The following CA8 variants were observed in gnomAD, a reference collection of about 807,000 sequenced individuals.
CA8 encodes the protein carbonic anhydrase 8 (inactive), also known as carbonic anhydrase-related protein.
A neutral mutation model predicts 41.4 loss-of-function variants in CA8; 22 were observed. That is an observed-to-expected ratio of 0.53 (90% CI 0.38 to 0.76). The LOEUF (loss-of-function observed/expected upper bound fraction) is 0.76, where lower values mean the gene tolerates loss of function less well. Ranked by LOEUF, CA8 falls within the 30% of genes least tolerant of loss-of-function variation. The probability of loss-of-function intolerance (pLI) is 0.00; values close to 1 mark genes in which losing one functional copy is unlikely to be tolerated. For missense variants in CA8, 270 were observed against 352.8 expected (o/e 0.77, Z 1.88); for synonymous variants, 121 against 130.6 (o/e 0.93, Z 0.50).
intron 8 of CA8, among the ~76,000 whole-genome samples, chr8:60,201,637 A>G (rs1310277298): frequency 6.6e-6 from 1 of 152,252 alleles, no homozygotes; most frequent in African/African-American, 2.4e-5. Flanking sequence ...GCATCACTAT[A>G]TAACAATAAA....
At chr8:60,243,059 A>G (rs1808095599) in intron 3 of CA8, among the ~76,000 whole-genome samples, 2 of 152,208 alleles carry the variant, frequency 1.3e-5, no homozygotes, top group East Asian at 1.9e-4. Context: ...GAAAAACTGA[A>G]GAATTGGGGC....
chr8:60,220,239 T>C (rs2076609152), intron 7 of CA8, among the ~76,000 whole-genome samples: 1 of 152,138 alleles, frequency 6.6e-6, no homozygotes, highest in African/African-American at 2.4e-5. Context: ...AGGTGTTTAC[T>C]TACCTGGAGG....
At chr8:60,225,602 T>C (rs1194430609) in intron 5 of CA8, among the ~76,000 whole-genome samples, 1 of 152,214 alleles carries the variant, frequency 6.6e-6, no homozygotes, top group East Asian at 1.9e-4. Context: ...CAGTGGAGGT[T>C]CTGCCTGGTT....
chr8:60,193,177 C>G (rs1356374453), intron 8 of CA8, among the ~76,000 whole-genome samples: 2 of 152,040 alleles, frequency 1.3e-5, no homozygotes, highest in African/African-American at 4.8e-5. Context: ...TGGGTTTTTC[C>G]ACCTAAGTGT....
intron 3 of CA8, among the ~76,000 whole-genome samples, chr8:60,249,867 T>C (rs1467651133): frequency 6.6e-6 from 1 of 152,234 alleles, no homozygotes; most frequent in Non-Finnish European, 1.5e-5. Context: ...TAGTAGTTTA[T>C]TATTGTGAGT....
chr8:60,197,224 A>C (rs1306068242), intron 8 of CA8, among the ~76,000 whole-genome samples: 5 of 152,186 alleles, frequency 3.3e-5, no homozygotes, highest in Non-Finnish European at 7.4e-5. Context: ...CATATACTTA[A>C]AAGCAATGTA....
At chr8:60,269,133 C>T (rs1185591538) in intron 2 of CA8, among the ~76,000 whole-genome samples, 1 of 152,152 alleles carries the variant, frequency 6.6e-6, no homozygotes, top group Non-Finnish European at 1.5e-5. Flanking sequence ...CCTGTTCATC[C>T]CCCAAGAATG....
chr8:60,235,887 A>T (rs1253762106), intron 3 of CA8, among the ~76,000 whole-genome samples: 2 of 152,180 alleles, frequency 1.3e-5, no homozygotes, highest in Non-Finnish European at 2.9e-5. Flanking sequence ...CCCCCATAAT[A>T]ACCTCTTTCT....
At chr8:60,238,396 T>C (rs771152163) in intron 3 of CA8, among the ~76,000 whole-genome samples, 2 of 152,190 alleles carry the variant, frequency 1.3e-5, no homozygotes, top group Admixed American at 6.5e-5. Context: ...TGGGCACTCA[T>C]ACAAATTCTG....
At chr8:60,243,430 T>TAA (rs200587653) in intron 3 of CA8, among the ~76,000 whole-genome samples, 5,857 of 141,392 alleles carry the variant, frequency 0.041, 181 homozygotes, top group South Asian at 0.12. Context: ...TTCTCCTCTT[T>TAA]AAAAAAAAAA....
chr8:60,269,075 A>G (rs1437082683), intron 2 of CA8, among the ~76,000 whole-genome samples: 1 of 152,224 alleles, frequency 6.6e-6, no homozygotes. Context: ...ATAAAAAATG[A>G]CAAAATTCTC....
At chr8:60,247,064 T>C (rs1285107251) in intron 3 of CA8, among the ~76,000 whole-genome samples, 1 of 151,878 alleles carries the variant, frequency 6.6e-6, no homozygotes, top group Non-Finnish European at 1.5e-5. Context: ...TTTGTATTTT[T>C]AGTAGAGACG....
intron 3 of CA8, among the ~76,000 whole-genome samples, chr8:60,259,289 T>C (rs1252985108): frequency 6.6e-6 from 1 of 152,230 alleles, no homozygotes; most frequent in Non-Finnish European, 1.5e-5. Context: ...TGAAAATATT[T>C]TCTACTGCAG....
At chr8:60,248,203 C>G (rs563491722) in intron 3 of CA8, among the ~76,000 whole-genome samples, 2 of 152,144 alleles carry the variant, frequency 1.3e-5, no homozygotes, top group South Asian at 4.1e-4. Context: ...CTGTAGGCTG[C>G]CTGTTCACTC....
At position 60,274,143 on chromosome 8, in the gene CA8, G is replaced by A. The variant is rs552015943; in HGVS notation, c.292+5546C>T. ...AGCTTTAATTTCTAAAAAGAACTGT[G>A]CTTCTTGTGTGGATTTTTTTTTTAA... is the stretch of plus-strand genomic sequence containing the variant. On this transcript the variant is annotated intron_variant, in intron 2 of 8. Transcript: ENST00000317995. Among the ~76,000 whole-genome samples the A allele has an allele frequency of 6.7e-4, 77 of 114,556 alleles. No homozygotes were observed. In the South Asian group the frequency reaches 0.012, roughly 18 times the overall value. The allele number at this position is 114,556 out of a possible 152,430, so 75.2% of individuals were successfully genotyped here.
rs149577878 is a variant in CA8, at chr8:60,226,903, C to A, written c.546G>T (p.Val182=). 16 of 1,603,604 alleles carry A rather than the reference C, an allele frequency of 1.0e-5. No individual in the cohort carries two copies. Among genetic ancestry groups the A allele is most frequent in the Non-Finnish European group, 1.2e-5 (14 of 1,170,834 alleles). Residue 182 remains valine (V), a synonymous_variant, in exon 5 of 9, where the codon GTG becomes GTT. Transcript: ENST00000317995. The part of the protein sequence containing the change: ...IGKEHVGLKA[V]TEILQDIQYK... ...ACTGAATATCTTGGAGGATTTCAGT[C>A]ACAGCCTTCAAGCCAACATGTTCCT...
intron 4 of CA8, among the ~76,000 whole-genome samples, chr8:60,227,770 T>A (rs1226452498): frequency 6.6e-6 from 1 of 152,180 alleles, no homozygotes; most frequent in African/African-American, 2.4e-5. Flanking sequence ...TATTCTTAAA[T>A]AAATAATAAT....
At chr8:60,252,130 A>G (rs1477377904) in intron 3 of CA8, among the ~76,000 whole-genome samples, 1 of 152,190 alleles carries the variant, frequency 6.6e-6, no homozygotes, top group Non-Finnish European at 1.5e-5. Flanking sequence ...ATAGAAAGTT[A>G]TAAGAGCCCC....
chr8:60,261,518 C>T (rs114961963), intron 3 of CA8, among the ~76,000 whole-genome samples: 5,124 of 152,090 alleles, frequency 0.034, 282 homozygotes, highest in African/African-American at 0.11. Flanking sequence ...AGTGCCTATC[C>T]CTGACAAAAT....
Sources: gnomAD v4.1 joint callset for allele counts (sites outside exome capture counted in the v4.1 genomes callset) on GRCh38, gnomAD v4.1.1 for gene constraint, MANE v1.5 for transcripts, NCBI Gene and HGNC (gene_info 2026-07-23, HGNC 2026-07-21) for gene names.